Variants in LMAN2L observed in about 807,000 individuals in gnomAD.
LMAN2L encodes the protein VIP36-like protein.
In LMAN2L, 30 loss-of-function variants were observed where a neutral mutation model predicts 44.3. The observed-to-expected ratio is 0.68, with a 90% CI of 0.51 to 0.92. The LOEUF (loss-of-function observed/expected upper bound fraction) is 0.92. LMAN2L is among the 40% of genes least tolerant of loss of function. The pLI, the probability that LMAN2L is intolerant of heterozygous loss-of-function variation, is 0.00. For missense variants in LMAN2L, 429 were observed against 446.1 expected (o/e 0.96, Z 0.35); for synonymous variants, 183 against 171.1 (o/e 1.07, Z -0.54).
At position 96,740,018 on chromosome 2, in the gene LMAN2L, A is replaced by T. The variant is rs762511900; in HGVS notation, c.23T>A (p.Leu8His). MAATLGP[L>H]GSWQQWRRCL... is the part of the protein sequence containing the mutation. ...TCGCCGCCACTGCTGCCACGACCCAAGGGGTCCCAGAGTCGCCGCCATCTT... is the reference window on the plus strand; with the variant it reads ...TCGCCGCCACTGCTGCCACGACCCATGGGGTCCCAGAGTCGCCGCCATCTT... Residue 8 changes from leucine (L) to histidine (H), a missense_variant, in exon 1 of 8, where the codon CTT becomes CAT. Coordinates refer to ENST00000264963, the MANE Select transcript of LMAN2L (RefSeq NM_030805.4). 5.5e-5 allele frequency: 89 copies of T among 1,612,268 alleles called. No individual in the cohort carries two copies. The Admixed American group carries it at 6.5e-4, about 12-fold the overall frequency.
chr2:96,735,543 G>C (rs1016861557), intron 2 of LMAN2L, among the ~76,000 whole-genome samples: 2 of 152,090 alleles, frequency 1.3e-5, no homozygotes, highest in African/African-American at 4.8e-5. Flanking sequence ...GTTTCATTAC[G>C]ATTTCAGAGA....
At chr2:96,739,797 G>C (rs1030610279) in intron 1 of LMAN2L, 57 bp downstream of exon 1, 29 of 1,573,364 alleles carry the variant, frequency 1.8e-5, no homozygotes, top group Non-Finnish European at 2.5e-5. Context: ...CTCTACCCCT[G>C]AAATCAAGTC....
Position 96,732,631 on chromosome 2 carries a change from G to C in LMAN2L, c.507+888C>G, listed in dbSNP as rs549615778. ...TGCACTCCAGCCTGGGCGACAGAGT[G>C]AGACTCTGTCTCAAAAAAAAAAAAT... On this transcript the variant is annotated intron_variant, in intron 4 of 7. Coordinates refer to ENST00000264963, the MANE Select transcript of LMAN2L (RefSeq NM_030805.4). Among the ~76,000 whole-genome samples the C allele has an allele frequency of 2.7e-3, 402 of 146,832 alleles. 2 individuals are homozygous for C. The highest frequency in any genetic ancestry group is 9.8e-3 in the African/African-American group (390 of 39,782).
At chr2:96,732,050 A>G (rs2078409197) in intron 4 of LMAN2L, among the ~76,000 whole-genome samples, 2 of 152,060 alleles carry the variant, frequency 1.3e-5, no homozygotes, top group Non-Finnish European at 2.9e-5. Context: ...ACAGGGTTTC[A>G]TAATGTTGGC....
At chr2:96,730,562 G>A (rs1415683980) in intron 4 of LMAN2L, among the ~76,000 whole-genome samples, 1 of 152,194 alleles carries the variant, frequency 6.6e-6, no homozygotes, top group Non-Finnish European at 1.5e-5. Context: ...AGAATGCAAG[G>A]TGAACAGCAG....
At chr2:96,735,484 C>G (rs1442748990) in intron 2 of LMAN2L, among the ~76,000 whole-genome samples, 1 of 152,210 alleles carries the variant, frequency 6.6e-6, no homozygotes, top group Non-Finnish European at 1.5e-5. Flanking sequence ...ATCTCCTACT[C>G]TATTGAGCCA....
intron 6 of LMAN2L, among the ~76,000 whole-genome samples, chr2:96,708,498 C>T (rs1308263104): frequency 6.6e-6 from 1 of 152,208 alleles, no homozygotes; most frequent in African/African-American, 2.4e-5. Flanking sequence ...TGGGACATAA[C>T]GCCATTGTAT....
At chr2:96,736,730 CAG>C (rs2078523932) in intron 2 of LMAN2L, among the ~76,000 whole-genome samples, 1 of 152,188 alleles carries the variant, frequency 6.6e-6, no homozygotes, top group Admixed American at 6.6e-5. Context: ...GATAGAGAAA[CAG>C]AACTAAGAAG....
At chr2:96,724,916 C>A (rs1183327915) in intron 4 of LMAN2L, among the ~76,000 whole-genome samples, 1 of 152,140 alleles carries the variant, frequency 6.6e-6, no homozygotes, top group Non-Finnish European at 1.5e-5. Context: ...ACTGCAAGCT[C>A]CGCTTCCCGG....
intron 6 of LMAN2L, among the ~76,000 whole-genome samples, chr2:96,710,436 A>G (rs1245237182): frequency 2.0e-5 from 3 of 152,172 alleles, no homozygotes; most frequent in Admixed American, 2.0e-4. Context: ...TTCGGAGGCC[A>G]AGGCGGGCGG....
rs373433820 is a variant in LMAN2L at position 96,736,552 on chromosome 2, G to A, written c.306+1397C>T. Among the ~76,000 whole-genome samples the A allele has an allele frequency of 1.5e-4, 23 of 152,180 alleles. No individual in the cohort carries two copies. The East Asian group carries it at 3.3e-3, about 22-fold the overall frequency. On this transcript the variant is annotated intron_variant, in intron 2 of 7. Transcript: ENST00000264963. ...TATCAAGCCTTGAACATAATCATCC[G>A]GTAACCCACAAGAGCCCCATCAACA...
intron 4 of LMAN2L, among the ~76,000 whole-genome samples, chr2:96,721,038 A>G (rs2078142439): frequency 6.6e-6 from 1 of 152,176 alleles, no homozygotes; most frequent in Non-Finnish European, 1.5e-5. Context: ...TAGTATATTC[A>G]GAGTTAAGAT....
intron 4 of LMAN2L, among the ~76,000 whole-genome samples, chr2:96,715,833 G>A (rs543522320): frequency 6.6e-6 from 1 of 152,200 alleles, no homozygotes; most frequent in Non-Finnish European, 1.5e-5. Flanking sequence ...AGTTCTAACT[G>A]CAGTTATGTC....
intron 4 of LMAN2L, among the ~76,000 whole-genome samples, chr2:96,712,908 G>A (rs1446879762): frequency 4.6e-5 from 7 of 152,238 alleles, no homozygotes; most frequent in African/African-American, 1.4e-4. Flanking sequence ...GTGAGGTGGT[G>A]AAGGGGTAAC....
chr2:96,726,888 A>T (rs2078283192), intron 4 of LMAN2L, among the ~76,000 whole-genome samples: 2 of 152,226 alleles, frequency 1.3e-5, no homozygotes, highest in Admixed American at 1.3e-4. Context: ...GTTCAAGACT[A>T]GCCTGATCAA....
Position 96,739,839 on chromosome 2 carries a change from C to A in LMAN2L, c.187+15G>T. 1 of 1,612,448 alleles carries A rather than the reference C, an allele frequency of 6.2e-7. No individual in the cohort carries two copies. Among genetic ancestry groups the A allele is most frequent in the Non-Finnish European group, 8.5e-7 (1 of 1,179,820 alleles). On this transcript the variant is annotated intron_variant, in intron 1 of 7. Coordinates refer to ENST00000264963, the MANE Select transcript of LMAN2L (RefSeq NM_030805.4). ...CCCGCCCCACTGCACGACCACCTCA[C>A]CCTGGGCGCCTCACCCTGGTAGGGC...
chr2:96,716,848 T>C (rs2078049756), intron 4 of LMAN2L, among the ~76,000 whole-genome samples: 1 of 152,222 alleles, frequency 6.6e-6, no homozygotes, highest in Non-Finnish European at 1.5e-5. Context: ...TTCATATGTA[T>C]TATTTTTTTA....
At position 96,706,716 on chromosome 2, in the gene LMAN2L, G is replaced by C. The variant is rs1295607437; in HGVS notation, c.*540C>G. The C allele has an allele frequency of 6.6e-6, 1 of 152,356 alleles. No homozygotes were observed. The highest frequency in any genetic ancestry group is 1.9e-4 in the East Asian group (1 of 5,204). The allele number at this position is 152,356 out of a possible 1,614,324, so 9.4% of individuals were successfully genotyped here. On this transcript the variant is annotated 3_prime_UTR_variant, in exon 8 of 8. Transcript: ENST00000264963. ...CCTTTCCCAGCTCAGGTTGCACACAGAGAGGACAATGAATGGAGTGAAAGG... is the reference window on the plus strand; with the variant it reads ...CCTTTCCCAGCTCAGGTTGCACACACAGAGGACAATGAATGGAGTGAAAGG...
chr2:96,732,215 C>A (rs575944032), intron 4 of LMAN2L, among the ~76,000 whole-genome samples: 1 of 151,354 alleles, frequency 6.6e-6, no homozygotes, highest in East Asian at 1.9e-4. Context: ...AATAATGTGA[C>A]CTTTGCCTCT....
Sources: gnomAD v4.1 joint callset for allele counts (sites outside exome capture counted in the v4.1 genomes callset) on GRCh38, gnomAD v4.1.1 for gene constraint, MANE v1.5 for transcripts, NCBI Gene and HGNC (gene_info 2026-07-23, HGNC 2026-07-21) for gene names.